BPGM: variants seen among roughly 807,000 people sequenced by gnomAD.
BPGM encodes the protein bisphosphoglycerate mutase, also known as 2,3-bisphosphoglycerate mutase, erythrocyte.
In BPGM, 15 loss-of-function variants were observed where a neutral mutation model predicts 21.6. That is an observed-to-expected ratio of 0.70 (90% CI 0.47 to 1.07). BPGM has a LOEUF of 1.07. BPGM is among the 50% of genes least tolerant of loss of function. The probability of loss-of-function intolerance (pLI) is 0.00; values close to 1 mark genes in which losing one functional copy is unlikely to be tolerated. For synonymous variants in BPGM, 113 were observed against 116.2 expected, an observed-to-expected ratio of 0.97 and a Z score of 0.18; for missense variants, 273 against 319.0, an observed-to-expected ratio of 0.86 and a Z score of 1.10.
intron 2 of BPGM, among the ~76,000 whole-genome samples, chr7:134,666,619 C>A (rs1484287454): frequency 6.6e-6 from 1 of 152,126 alleles, no homozygotes; most frequent in East Asian, 1.9e-4. Context: ...GCCTATAGTA[C>A]CTCCTGGTGG....
rs1354695196 is a variant in BPGM at position 134,679,517 on chromosome 7, A to G, written c.*486A>G. On this transcript the variant is annotated 3_prime_UTR_variant, in exon 3 of 3. Transcript: ENST00000344924. ...AGGAAAAGGGATACTTTGATAATTA[A>G]GGCCAGAGGCCCATTAGTTGAGAAA... 1 of 155,174 alleles carries G rather than the reference A, an allele frequency of 6.4e-6. No individual in the cohort carries two copies. Among genetic ancestry groups the G allele is most frequent in the Non-Finnish European group, 1.4e-5 (1 of 69,800 alleles). The allele number at this position is 155,174 out of a possible 1,614,324, so 9.6% of individuals were successfully genotyped here.
chr7:134,662,017 T>G lies in BPGM; in HGVS notation c.510T>G (p.Asn170Lys). ...TGGAGAGACTCCTTCCCTATTGGAA[T>G]GAAAGGATTGCTCCCGAAGTATTAC... ...DVLERLLPYW[N>K]ERIAPEVLRG... The change falls in exon 2 of 3, where the codon AAT (asparagine) becomes AAG (lysine). Residue 170 changes from asparagine (N) to lysine (K), a missense_variant. Transcript: ENST00000344924. 8.1e-6 allele frequency: 13 copies of G among 1,614,170 alleles called. No homozygotes were observed. Among genetic ancestry groups the G allele is most frequent in the Non-Finnish European group, 1.1e-5 (13 of 1,180,022 alleles).
chr7:134,661,487 C>T lies in BPGM; in HGVS notation c.-21C>T. 1 of 1,613,982 alleles carries T rather than the reference C, an allele frequency of 6.2e-7. No homozygotes were observed. Among genetic ancestry groups the T allele is most frequent in the East Asian group, 2.2e-5 (1 of 44,886 alleles). ...TGAATATTAGCCCATTTGAAAACGC[C>T]TGGGAAGTTCAGCCATCAGTATGTC... On this transcript the variant is annotated 5_prime_UTR_variant, in exon 2 of 3. Coordinates refer to ENST00000344924, the MANE Select transcript of BPGM (RefSeq NM_001724.5). The surrounding 1 kb of genome is among the most constrained non-coding windows in gnomAD (Gnocchi z 4.6).
chr7:134,675,350 T>C (rs1204069624), intron 2 of BPGM, among the ~76,000 whole-genome samples: 1 of 152,186 alleles, frequency 6.6e-6, no homozygotes, highest in African/African-American at 2.4e-5. Context: ...TTTACTCCTA[T>C]GGCTTTTTTT....
chr7:134,651,096 A>G (rs1245546605), intron 1 of BPGM, among the ~76,000 whole-genome samples: 3 of 152,322 alleles, frequency 2.0e-5, no homozygotes, highest in Admixed American at 6.5e-5. Flanking sequence ...AAGTTGCTCA[A>G]AGCCACACAA....
rs146300335 is a variant in BPGM, at chr7:134,659,475, A to G, written c.-61-1972A>G. Among the ~76,000 whole-genome samples the G allele has an allele frequency of 3.7e-3, 554 of 151,572 alleles. 2 individuals are homozygous for G. Among genetic ancestry groups the G allele is most frequent in the Non-Finnish European group, 5.2e-3 (354 of 67,934 alleles). ...CTTGAACTTTGTTAGATTCATGACT[A>G]TTCTGCCCCTGGGCACAGGCAGTCA... On this transcript the variant is annotated intron_variant, in intron 1 of 2. Coordinates refer to ENST00000344924, the MANE Select transcript of BPGM (RefSeq NM_001724.5).
At chr7:134,676,118 T>C (rs1164752601) in intron 2 of BPGM, among the ~76,000 whole-genome samples, 1 of 152,330 alleles carries the variant, frequency 6.6e-6, no homozygotes, top group East Asian at 1.9e-4. Flanking sequence ...CATCTGCAAA[T>C]AGAGATAGTT....
At chr7:134,656,662 AG>A (rs1371673642) in intron 1 of BPGM, among the ~76,000 whole-genome samples, 7 of 152,200 alleles carry the variant, frequency 4.6e-5, no homozygotes, top group Non-Finnish European at 5.9e-5. Flanking sequence ...TTCTATCATA[AG>A]AACAGCATGA....
chr7:134,661,353 A>G lies in BPGM; in HGVS notation c.-61-94A>G. 9.6e-7 allele frequency: 1 copy of G among 1,046,054 alleles called. No individual in the cohort carries two copies. Among genetic ancestry groups the G allele is most frequent in the Non-Finnish European group, 1.4e-6 (1 of 707,892 alleles). 64.8% of individuals were successfully genotyped at this position (1,046,054 alleles called of 1,614,324 possible). On this transcript the variant is annotated intron_variant, in intron 1 of 2. Transcript: ENST00000344924. This position sits in a 1 kb window ranked among gnomAD's most constrained non-coding sequence, Gnocchi z 4.6. ...ATTTCTGACTGTTCAAAGGGATTTC[A>G]GTTTCTTTTAGAAATTGGGTGTTGT...
Position 134,661,932 on chromosome 7 carries a change from A to G in BPGM, c.425A>G (p.Tyr142Cys). The stretch of plus-strand genomic sequence containing the variant: ...CAAGAAATCTACAACGACCGGAGGT[A>G]TAAAGTATGCGATGTGCCCTTGGAT... Reference protein sequence around the residue: ...YYQEIYNDRRYKVCDVPLDQL... With the variant: ...YYQEIYNDRRCKVCDVPLDQL... The change falls in exon 2 of 3, where the codon TAT (tyrosine) becomes TGT (cysteine). Residue 142 changes from tyrosine (Y) to cysteine (C), a missense_variant. Tyr to Cys is a radical substitution (Grantham distance 194). Transcript: ENST00000344924. The surrounding 1 kb of genome is among the most constrained non-coding windows in gnomAD (Gnocchi z 4.6). 1 of 1,614,086 alleles carries G rather than the reference A, an allele frequency of 6.2e-7. No homozygotes were observed. Among genetic ancestry groups the G allele is most frequent in the Non-Finnish European group, 8.5e-7 (1 of 1,179,932 alleles).
chr7:134,665,029 T>C lies in BPGM; in HGVS notation c.601+2921T>C, dbSNP rs1178581582. Among the ~76,000 whole-genome samples the C allele has an allele frequency of 1.3e-5, 2 of 152,230 alleles. 1 individual carries two copies. Among genetic ancestry groups the C allele is most frequent in the East Asian group, 3.8e-4 (2 of 5,202 alleles). On this transcript the variant is annotated intron_variant, in intron 2 of 2. Transcript: ENST00000344924. ...TTCTAAAATTGATTGTAGTGAGGGT[T>C]GCACAACTCTGAATATGCTAAGAGC...
At chr7:134,667,100 A>G (rs1795832212) in intron 2 of BPGM, among the ~76,000 whole-genome samples, 1 of 152,068 alleles carries the variant, frequency 6.6e-6, no homozygotes, top group Non-Finnish European at 1.5e-5. Context: ...CCTAAAAGAA[A>G]GCATTTCATT....
intron 2 of BPGM, among the ~76,000 whole-genome samples, chr7:134,674,329 C>A (rs1444819257): frequency 6.6e-6 from 1 of 152,170 alleles, no homozygotes; most frequent in Non-Finnish European, 1.5e-5. Context: ...AAATCCATTA[C>A]CACAATCAAT....
At chr7:134,648,425 G>A (rs1437959773) in intron 1 of BPGM, among the ~76,000 whole-genome samples, 3 of 152,130 alleles carry the variant, frequency 2.0e-5, no homozygotes, top group African/African-American at 4.8e-5. Flanking sequence ...GTGAGCTACC[G>A]CGCCCGGCCT....
At chr7:134,657,375 A>G (rs1795655189) in intron 1 of BPGM, among the ~76,000 whole-genome samples, 1 of 152,260 alleles carries the variant, frequency 6.6e-6, no homozygotes, top group Non-Finnish European at 1.5e-5. Flanking sequence ...CTTGCAGGTC[A>G]CATGAAGGAT....
intron 1 of BPGM, among the ~76,000 whole-genome samples, chr7:134,658,865 C>A (rs1197954838): frequency 8.8e-6 from 1 of 114,060 alleles, no homozygotes; most frequent in African/African-American, 3.6e-5. Context: ...CAGTACTGTT[C>A]CTCTGTTCTG....
intron 1 of BPGM, among the ~76,000 whole-genome samples, chr7:134,655,038 CT>C (rs1562967122): frequency 1.3e-5 from 2 of 152,236 alleles, no homozygotes; most frequent in South Asian, 2.1e-4. Context: ...CCTATGTGTT[CT>C]TTTTTTGACA....
chr7:134,661,379 A>G lies in BPGM; in HGVS notation c.-61-68A>G, dbSNP rs1019015043. 1.4e-6 allele frequency: 2 copies of G among 1,389,376 alleles called. No individual in the cohort carries two copies. The highest frequency in any genetic ancestry group is 2.9e-5 in the African/African-American group (2 of 69,568). 86.1% of individuals were successfully genotyped at this position (1,389,376 alleles called of 1,614,324 possible). A position where few individuals can be genotyped will look rare whatever the true frequency, so the allele number is the denominator to read the frequency against. Reference sequence around the variant, plus strand: ...GTTTCTTTTAGAAATTGGGTGTTGTAAAGCGATGTTTCTATTCCTAGATTG... The same window carrying G: ...GTTTCTTTTAGAAATTGGGTGTTGTGAAGCGATGTTTCTATTCCTAGATTG... On this transcript the variant is annotated intron_variant, in intron 1 of 2. Transcript: ENST00000344924. The surrounding 1 kb of genome is among the most constrained non-coding windows in gnomAD (Gnocchi z 4.6).
chr7:134,648,459 G>A (rs546716677), intron 1 of BPGM, among the ~76,000 whole-genome samples: 1 of 152,022 alleles, frequency 6.6e-6, no homozygotes, highest in South Asian at 2.1e-4. Context: ...ACTGCCTCCC[G>A]TGAGTCCAGG....
Sources: gnomAD v4.1 joint callset for allele counts (sites outside exome capture counted in the v4.1 genomes callset) on GRCh38, gnomAD v4.1.1 for gene constraint, Gnocchi (gnomAD v3.1) non-coding constraint, MANE v1.5 for transcripts, NCBI Gene and HGNC (gene_info 2026-07-23, HGNC 2026-07-21) for gene names.